FAM83C: variants seen among roughly 807,000 people sequenced by gnomAD.
FAM83C encodes scaffolding CK1 anchoring protein C, also known as protein FAM83C.
A neutral mutation model predicts 27.1 loss-of-function variants in FAM83C; 23 were observed. The observed-to-expected ratio is 0.85, with a 90% CI of 0.61 to 1.20. The LOEUF (loss-of-function observed/expected upper bound fraction) is 1.20, where lower values mean the gene tolerates loss of function less well. FAM83C is among the 50% of genes most tolerant of loss of function. The pLI is 0.00. For missense variants in FAM83C, 984 were observed against 1,001.3 expected (o/e 0.98, Z 0.23); for synonymous variants, 426 against 423.1 (o/e 1.01, Z -0.09).
intron 1 of FAM83C, among the ~76,000 whole-genome samples, chr20:35,290,713 G>C (rs1435141504): frequency 6.6e-6 from 1 of 152,172 alleles, no homozygotes; most frequent in Non-Finnish European, 1.5e-5. Context: ...CACAGCACAG[G>C]CCTGGCCAGG....
Position 35,292,381 on chromosome 20 carries a change from A to G in FAM83C, c.-77T>C, listed in dbSNP as rs1025730713. 2.1e-6 allele frequency: 3 copies of G among 1,429,356 alleles called. No individual in the cohort carries two copies. Among genetic ancestry groups the G allele is most frequent in the East Asian group, 2.6e-5 (1 of 39,088 alleles). 88.5% of individuals were successfully genotyped at this position (1,429,356 alleles called of 1,614,324 possible). On this transcript the variant is annotated 5_prime_UTR_variant, in exon 1 of 4. Coordinates refer to ENST00000374408, the MANE Select transcript of FAM83C (RefSeq NM_178468.6). ...GGGCTGGCTGCAGCAGGAAGAGGAG[A>G]CCAGCAGAACCGCCTTCTGCCCGCC...
rs1003107334 is a variant in FAM83C at position 35,286,267 on chromosome 20, C to T, written c.*268G>A. 1.2e-4 allele frequency: 56 copies of T among 456,462 alleles called. 1 individual carries two copies. In the South Asian group the frequency reaches 1.6e-3, roughly 13 times the overall value. The allele number at this position is 456,462 out of a possible 1,614,324, so 28.3% of individuals were successfully genotyped here. The stretch of plus-strand genomic sequence containing the variant: ...CAGCTTGTGCATTTCACCTCTGTCC[C>T]CAGGTCTGAGTGTGACCCACCTGTC... On this transcript the variant is annotated 3_prime_UTR_variant, in exon 4 of 4. Transcript: ENST00000374408.
chr20:35,287,614 T>G lies in FAM83C; in HGVS notation c.1165A>C (p.Ser389Arg). Residue 389 changes from serine to arginine, a missense_variant, in exon 4 of 4, where the codon AGT (serine) becomes CGT (arginine). Coordinates refer to ENST00000374408, the MANE Select transcript of FAM83C (RefSeq NM_178468.6). The stretch of plus-strand genomic sequence containing the variant: ...TGGCGATGTAGGGAGGGCTGGCCAC[T>G]GGCCTCACGGCGGGCAGGACCCAGG... ...SSLGPARREA[S>R]GQPSLHRQLS... The G allele has an allele frequency of 6.2e-7, 1 of 1,614,090 alleles. No individual in the cohort carries two copies. Among genetic ancestry groups the G allele is most frequent in the Non-Finnish European group, 8.5e-7 (1 of 1,179,984 alleles).
chr20:35,291,764 A>T lies in FAM83C; in HGVS notation c.513+28T>A, dbSNP rs371573781. ...GGACCTCAGTTTCCTCCTCTGTGAG[A>T]TGAGTGATGGAGAGATGAGGCCCTT... On this transcript the variant is annotated intron_variant, in intron 1 of 3. Transcript: ENST00000374408. 16 of 1,612,366 alleles carry T rather than the reference A, an allele frequency of 9.9e-6. No individual in the cohort carries two copies. In the Admixed American group the frequency reaches 2.2e-4, roughly 22 times the overall value.
rs768733658 is a variant in FAM83C, at chr20:35,287,811, C to A, written c.968G>T (p.Arg323Leu). The A allele has an allele frequency of 6.3e-7, 1 of 1,589,822 alleles. No individual in the cohort carries two copies. The highest frequency in any genetic ancestry group is 8.6e-7 in the Non-Finnish European group (1 of 1,166,772). ...GEDPLSPRALRPPPVALAFRP... is the reference protein window; with the variant it reads ...GEDPLSPRALLPPPVALAFRP... ...GAAGGCTAGGGCCACAGGGGGAGGA[C>A]GCAGTGCCCGGGGAGACAGCGGGTC... The change falls in exon 4 of 4, where the codon CGT (arginine) becomes CTT (leucine). Residue 323 changes from arginine (R) to leucine (L), a missense_variant. Coordinates refer to ENST00000374408, the MANE Select transcript of FAM83C (RefSeq NM_178468.6).
In FAM83C at chr20:35,286,797, C is replaced by A; in HGVS notation, c.1982G>T (p.Arg661Leu). The change falls in exon 4 of 4, where the codon CGC becomes CTC. Residue 661 changes from arginine (R) to leucine (L), a missense_variant. Physicochemically the swap from Arg to Leu is moderately radical, Grantham distance 102. Transcript: ENST00000374408. ...ATCCCCAGACCCAGCTCCAGCCGTGCGAGCAGGGCTTGATATCGGGAGACC... is the reference window on the plus strand; with the variant it reads ...ATCCCCAGACCCAGCTCCAGCCGTGAGAGCAGGGCTTGATATCGGGAGACC... ...PNGLPISSPA[R>L]TAGAGSGDEK... 2 of 1,613,974 alleles carry A rather than the reference C, an allele frequency of 1.2e-6. No individual in the cohort carries two copies.
Position 35,289,641 on chromosome 20 carries a change from G to GT in FAM83C, c.514-684dup, listed in dbSNP as rs372024240. On this transcript the variant is annotated intron_variant, in intron 1 of 3. Coordinates refer to ENST00000374408, the MANE Select transcript of FAM83C (RefSeq NM_178468.6). The stretch of plus-strand genomic sequence containing the variant: ...CGTGAGCCACCACGCCCAGTCGCTA[G>GT]TTTTTTTTTAATTCTAATTTTTTGT... Among the ~76,000 whole-genome samples the GT allele has an allele frequency of 9.0e-3, 1,365 of 151,414 alleles. 27 individuals are homozygous for GT. The highest frequency in any genetic ancestry group is 0.032 in the African/African-American group (1,320 of 41,248).
chr20:35,290,726 G>C (rs574331754), intron 1 of FAM83C, among the ~76,000 whole-genome samples: 4 of 152,112 alleles, frequency 2.6e-5, no homozygotes, highest in East Asian at 1.9e-4. Flanking sequence ...TGGCCAGGGT[G>C]GGGGAACAAG....
In FAM83C at chr20:35,287,180, G is replaced by C; in HGVS notation, c.1599C>G (p.Pro533=). The change falls in exon 4 of 4, where the codon CCC becomes CCG. Residue 533 remains proline, a synonymous_variant. Transcript: ENST00000374408. ...PDSGVTPNSG[P]LRPGEQAPED... is the part of the protein sequence containing the mutation. Reference sequence around the variant, plus strand: ...CTGGGGCCTGCTCGCCAGGCCGAAGGGGGCCTGAGTTGGGGGTAACCCCAG... The same window carrying C: ...CTGGGGCCTGCTCGCCAGGCCGAAGCGGGCCTGAGTTGGGGGTAACCCCAG... 6.2e-7 allele frequency: 1 copy of C among 1,609,178 alleles called. No homozygotes were observed. Among genetic ancestry groups the C allele is most frequent in the Admixed American group, 1.7e-5 (1 of 59,966 alleles).
At chr20:35,289,096 G>T (rs1672716894) in intron 1 of FAM83C, 138 bp from the exon 2 acceptor site, 2 of 1,128,646 alleles carry the variant, frequency 1.8e-6, no homozygotes, top group Admixed American at 2.8e-5. Flanking sequence ...TCAAGAGCAA[G>T]TGAACAGGAA....
At position 35,288,556 on chromosome 20, in the gene FAM83C, GTCCCCACACGTGC is replaced by G. The variant is rs770764396; in HGVS notation, c.698_710del (p.Ser233ThrfsTer49). The G allele has an allele frequency of 2.5e-6, 4 of 1,614,198 alleles. No homozygotes were observed. The highest frequency in any genetic ancestry group is 8.5e-7 in the Non-Finnish European group (1 of 1,180,010). On this transcript the variant is annotated frameshift_variant, in exon 3 of 4. Coordinates refer to ENST00000374408, the MANE Select transcript of FAM83C (RefSeq NM_178468.6). LOFTEE classifies it high-confidence loss of function. The stretch of plus-strand genomic sequence containing the variant: ...GGCGGCCAGCCTTGCTGCAGTATGT[GTCCCCACACGTGC>G]TCCGCACACGCATGTTCTAGGTGGA...
In FAM83C at chr20:35,292,194, C is replaced by A; in HGVS notation, c.111G>T (p.Leu37=). Residue 37 remains leucine (L), a synonymous_variant, in exon 1 of 4, where the codon CTG becomes CTT. Coordinates refer to ENST00000374408, the MANE Select transcript of FAM83C (RefSeq NM_178468.6). ...GAGCCGCCTCGCTGTGCCGCAGCAC[C>A]AGCGGTGAGCTCTCCCGCCACCACG... The part of the protein sequence containing the change: ...KLPWWRESSP[L]VLRHSEAARL... 1 of 1,594,910 alleles carries A rather than the reference C, an allele frequency of 6.3e-7. No homozygotes were observed. The highest frequency in any genetic ancestry group is 8.5e-7 in the Non-Finnish European group (1 of 1,178,384).
At chr20:35,289,637 G>A (rs761674168) in intron 1 of FAM83C, among the ~76,000 whole-genome samples, 1 of 151,698 alleles carries the variant, frequency 6.6e-6, no homozygotes, top group African/African-American at 2.4e-5. Context: ...ACGCCCAGTC[G>A]CTAGTTTTTT....
In FAM83C at chr20:35,286,367, G is replaced by A; in HGVS notation, c.*168C>T. On this transcript the variant is annotated 3_prime_UTR_variant, in exon 4 of 4. Coordinates refer to ENST00000374408, the MANE Select transcript of FAM83C (RefSeq NM_178468.6). ...GATACTAGTTAGGGTGTGTGTGTGT[G>A]TGTGTGTGTGTGTGTGTGTACACAA... 2 of 600,520 alleles carry A rather than the reference G, an allele frequency of 3.3e-6. No individual in the cohort carries two copies. The highest frequency in any genetic ancestry group is 2.9e-6 in the Non-Finnish European group (1 of 344,120). The allele number at this position is 600,520 out of a possible 1,614,324, so 37.2% of individuals were successfully genotyped here. A position where few individuals can be genotyped will look rare whatever the true frequency, so the allele number is the denominator to read the frequency against.
Position 35,292,383 on chromosome 20 carries a change from C to A in FAM83C, c.-79G>T. ...GCTGGCTGCAGCAGGAAGAGGAGAC[C>A]AGCAGAACCGCCTTCTGCCCGCCCG... On this transcript the variant is annotated 5_prime_UTR_variant, in exon 1 of 4. Transcript: ENST00000374408. The A allele has an allele frequency of 3.5e-6, 5 of 1,429,742 alleles. No individual in the cohort carries two copies. Among genetic ancestry groups the A allele is most frequent in the Non-Finnish European group, 4.6e-6 (5 of 1,098,116 alleles). The allele number at this position is 1,429,742 out of a possible 1,614,324, so 88.6% of individuals were successfully genotyped here.
intron 2 of FAM83C, 82 bp downstream of exon 2, chr20:35,288,709 G>A: frequency 6.5e-7 from 1 of 1,546,130 alleles, no homozygotes; most frequent in Non-Finnish European, 8.7e-7. Context: ...GCCCCCCAGT[G>A]CTGACTGGCC....
Position 35,287,848 on chromosome 20 carries a change from A to G in FAM83C, c.931T>C (p.Cys311Arg). ...GGAGACAGCGGGTCCTCACCGCCAC[A>G]GAAGCCCTCCACAGGCTGCGACTCA... ...YAESQPVEGF[C>R]GGEDPLSPRA... The change falls in exon 4 of 4, where the codon TGT becomes CGT. Residue 311 changes from cysteine (C) to arginine (R), a missense_variant. Transcript: ENST00000374408. 1 of 1,570,198 alleles carries G rather than the reference A, an allele frequency of 6.4e-7. No individual in the cohort carries two copies. The highest frequency in any genetic ancestry group is 8.6e-7 in the Non-Finnish European group (1 of 1,156,842).
chr20:35,287,341 G>A lies in FAM83C; in HGVS notation c.1438C>T (p.Arg480Trp), dbSNP rs749018897. Residue 480 changes from arginine to tryptophan, a missense_variant, in exon 4 of 4, where the codon CGG becomes TGG. Physicochemically the swap from Arg to Trp is moderately radical, Grantham distance 101. Transcript: ENST00000374408. ...GTTGTGCCAGGTACCCATCGACCCCGCAGGGGGCTGGGCTCTTGGCTTCCT... is the reference window on the plus strand; with the variant it reads ...GTTGTGCCAGGTACCCATCGACCCCACAGGGGGCTGGGCTCTTGGCTTCCT... ...LPGSQEPSPL[R>W]GRWVPGTTLE... 3.5e-5 allele frequency: 56 copies of A among 1,613,702 alleles called. No individual in the cohort carries two copies. The highest frequency in any genetic ancestry group is 3.3e-4 in the South Asian group (30 of 91,088).
chr20:35,286,357 GTGTGTGTGTGT>G lies in FAM83C; in HGVS notation c.*167_*177del, dbSNP rs2060824129. ...GATTCAAGAAGATACTAGTTAGGGT[GTGTGTGTGTGT>G]GTGTGTGTGTGTGTGTGTACACAAG... On this transcript the variant is annotated 3_prime_UTR_variant, in exon 4 of 4. Transcript: ENST00000374408. The G allele has an allele frequency of 8.7e-6, 4 of 458,326 alleles. No homozygotes were observed. Among genetic ancestry groups the G allele is most frequent in the South Asian group, 2.6e-5 (1 of 38,292 alleles). The allele number at this position is 458,326 out of a possible 1,614,324, so 28.4% of individuals were successfully genotyped here.
Sources: allele counts gnomAD v4.1 joint callset (sites outside exome capture counted in the v4.1 genomes callset), GRCh38; gene constraint gnomAD v4.1.1; transcripts MANE v1.5; gene names NCBI Gene and HGNC (gene_info 2026-07-23, HGNC 2026-07-21).